Variants in NLRP8 observed in about 807,000 individuals in gnomAD.
NLRP8 encodes NACHT, LRR and PYD domains-containing protein 8.
In NLRP8, 86 loss-of-function variants were observed where a neutral mutation model predicts 88.7. The ratio of observed to expected loss-of-function variants is 0.97; its 90% confidence interval spans 0.81 to 1.16. The LOEUF (loss-of-function observed/expected upper bound fraction) is 1.16, where lower values mean the gene tolerates loss of function less well. Among genes scored for constraint, NLRP8 ranks in the 50% most tolerant of loss-of-function variants. The pLI, the probability that NLRP8 is intolerant of heterozygous loss-of-function variation, is 0.00. For synonymous variants in NLRP8, 504 were observed against 494.6 expected (o/e 1.02, Z -0.25); for missense variants, 1,342 against 1,286.5 (o/e 1.04, Z -0.66).
chr19:55,953,083 C>G (rs1201397333), intron 2 of NLRP8, among the ~76,000 whole-genome samples: 1 of 152,152 alleles, frequency 6.6e-6, no homozygotes, highest in Non-Finnish European at 1.5e-5. Context: ...GTATTTACAG[C>G]TGCTCCCTAT....
intron 9 of NLRP8, among the ~76,000 whole-genome samples, chr19:55,981,625 C>T (rs530079080): frequency 1.3e-5 from 2 of 152,214 alleles, no homozygotes; most frequent in South Asian, 2.1e-4. Flanking sequence ...CTGTTCTTAA[C>T]GTGTCTGGGG....
intron 9 of NLRP8, among the ~76,000 whole-genome samples, 43 bp downstream of exon 10, chr19:55,981,201 G>C (rs189063832): frequency 1.3e-5 from 2 of 150,496 alleles, no homozygotes; most frequent in East Asian, 3.9e-4. Context: ...TGGACCCTCT[G>C]GTGACTGATC....
At chr19:55,958,891 T>C (rs1415976851) in intron 3 of NLRP8, among the ~76,000 whole-genome samples, 3 of 151,626 alleles carry the variant, frequency 2.0e-5, no homozygotes, top group African/African-American at 7.3e-5. Context: ...TTTGCTTGTT[T>C]GTTTTGAGAC....
rs1568460905 is a variant in NLRP8 at position 55,957,676 on chromosome 19, TATATATATATATA to T, written c.2042+1577_2042+1589del. Among the ~76,000 whole-genome samples the T allele has an allele frequency of 3.8e-3, 8 of 2,100 alleles. 1 individual carries two copies. Among genetic ancestry groups the T allele is most frequent in the Non-Finnish European group, 9.5e-3 (5 of 526 alleles). 1.4% of individuals were successfully genotyped at this position (2,100 alleles called of 152,430 possible). ...CTTAAAAAAGAAAAAATAATAATTA[TATATATATATATA>T]TATATATATATATATATATATATAT... is the stretch of plus-strand genomic sequence containing the variant. On this transcript the variant is annotated intron_variant, in intron 3 of 9. Transcript: ENST00000291971.
intron 1 of NLRP8, among the ~76,000 whole-genome samples, chr19:55,949,374 A>T (rs1978992121): frequency 6.6e-6 from 1 of 152,010 alleles, no homozygotes; most frequent in Non-Finnish European, 1.5e-5. Flanking sequence ...AGTAGCTGGG[A>T]TTACAGGTGC....
chr19:55,973,965 C>A, intron 7 of NLRP8, 143 bp downstream of exon 7: 2 of 709,758 alleles, frequency 2.8e-6, no homozygotes, highest in Non-Finnish European at 2.1e-6. Context: ...AGGGGAAAAG[C>A]ACAATAAAGA....
chr19:55,970,302 A>G (rs1980016762), intron 5 of NLRP8, among the ~76,000 whole-genome samples: 1 of 152,150 alleles, frequency 6.6e-6, no homozygotes, highest in African/African-American at 2.4e-5. Context: ...CTGAATGGAA[A>G]TAGTTAGAGC....
At chr19:55,970,152 G>T (rs1021092794) in intron 5 of NLRP8, among the ~76,000 whole-genome samples, 4 of 152,160 alleles carry the variant, frequency 2.6e-5, no homozygotes, top group African/African-American at 7.2e-5. Flanking sequence ...GATTAAATTG[G>T]TGAGATGATG....
rs372230524 is a variant in NLRP8, at chr19:55,962,139, G to A, written c.2115G>A (p.Leu705=). The A allele has an allele frequency of 6.2e-7, 1 of 1,614,184 alleles. No individual in the cohort carries two copies. The highest frequency in any genetic ancestry group is 1.1e-5 in the South Asian group (1 of 91,082). Residue 705 remains leucine (L), a synonymous_variant, in exon 4 of 10, where the codon CTG becomes CTA. Transcript: ENST00000291971. ...CTGTGTTTGCAACGAATGATAAGCT[G>A]GAAGTCCTGACTATGACCAACAGTG... is the stretch of plus-strand genomic sequence containing the variant.
intron 3 of NLRP8, among the ~76,000 whole-genome samples, chr19:55,959,629 A>T (rs1979526853): frequency 6.6e-6 from 1 of 152,166 alleles, no homozygotes; most frequent in Non-Finnish European, 1.5e-5. Flanking sequence ...AACCAAACTG[A>T]GGGTCAGGCT....
chr19:55,953,647 A>G (rs960043274), intron 2 of NLRP8, among the ~76,000 whole-genome samples: 1 of 151,838 alleles, frequency 6.6e-6, no homozygotes, highest in Non-Finnish European at 1.5e-5. Context: ...TTACAGGCAC[A>G]TGCCACCACG....
intron 9 of NLRP8, among the ~76,000 whole-genome samples, chr19:55,982,404 T>A (rs1405608956): frequency 6.6e-6 from 1 of 152,110 alleles, no homozygotes; most frequent in Non-Finnish European, 1.5e-5. Flanking sequence ...CATCAACAGA[T>A]GAATGGATAA....
intron 1 of NLRP8, among the ~76,000 whole-genome samples, chr19:55,949,499 A>T (rs1978997736): frequency 6.6e-6 from 1 of 152,180 alleles, no homozygotes; most frequent in Admixed American, 6.5e-5. Flanking sequence ...CGGCCTCCCA[A>T]AGTGCTGGAA....
In NLRP8 at chr19:55,955,676, C is replaced by T. The variant is rs766093733; in HGVS notation, c.1618C>T (p.Arg540Cys). The T allele has an allele frequency of 1.8e-5, 29 of 1,614,056 alleles. No individual in the cohort carries two copies. The highest frequency in any genetic ancestry group is 2.2e-5 in the East Asian group (1 of 44,898). ...TGTGTTGAGCCACGTGAATATCCAG[C>T]GCCTGATAGCGAGTCCCAGAGGAAG... Residue 540 changes from arginine (R) to cysteine (C), a missense_variant, in exon 3 of 10, where the codon CGC (arginine) becomes TGC (cysteine). Arg to Cys is a radical substitution (Grantham distance 180). Transcript: ENST00000291971.
rs746842757 is a variant in NLRP8, at chr19:55,954,837, T to C, written c.779T>C (p.Ile260Thr). 8.7e-6 allele frequency: 14 copies of C among 1,614,072 alleles called. No individual in the cohort carries two copies. The highest frequency in any genetic ancestry group is 4.5e-5 in the East Asian group (2 of 44,898). The change falls in exon 3 of 10, where the codon ATT (isoleucine) becomes ACT (threonine). Residue 260 changes from isoleucine to threonine, a missense_variant. By Grantham distance (89) the Ile-to-Thr change is moderately conservative. Transcript: ENST00000291971. ...ACAGACCAGAGCTTCTCCGAGCTGATTGAGCAAAAGTGGCCTGGATCTCAG... is the reference window on the plus strand; with the variant it reads ...ACAGACCAGAGCTTCTCCGAGCTGACTGAGCAAAAGTGGCCTGGATCTCAG...
Position 55,983,600 on chromosome 19 carries a change from A to G in NLRP8, c.3047+4036A>G, listed in dbSNP as rs113073420. On this transcript the variant is annotated intron_variant, in intron 9 of 9. Coordinates refer to ENST00000291971, the MANE Select transcript of NLRP8 (RefSeq NM_176811.2). ...CTTTAAGGTTCTCCCCAGAAACTAC[A>G]TGTGAATTACAAAGTAAGAGTAGTG... 4.0e-3 allele frequency among the ~76,000 whole-genome samples: 604 copies of G among 152,152 alleles called. 6 individuals carry two copies. The highest frequency in any genetic ancestry group is 0.014 in the African/African-American group (577 of 41,508).
At chr19:55,973,150 G>C (rs1233535237) in intron 6 of NLRP8, among the ~76,000 whole-genome samples, 1 of 152,124 alleles carries the variant, frequency 6.6e-6, no homozygotes, top group Non-Finnish European at 1.5e-5. Context: ...ATTCTTGCAG[G>C]AGTGAGGTGG....
intron 3 of NLRP8, among the ~76,000 whole-genome samples, chr19:55,961,069 A>AT (rs1170204591): frequency 2.6e-5 from 4 of 151,608 alleles, no homozygotes; most frequent in East Asian, 1.9e-4. Flanking sequence ...CACCTGTATA[A>AT]TTTTTTTGTA....
chr19:55,980,370 T>C (rs1319812958), intron 9 of NLRP8, among the ~76,000 whole-genome samples: 1 of 152,202 alleles, frequency 6.6e-6, no homozygotes, highest in African/African-American at 2.4e-5. Flanking sequence ...GTATGAGTTG[T>C]CTATTGCTAT....
Sources: gnomAD v4.1 joint callset for allele counts (sites outside exome capture counted in the v4.1 genomes callset) on GRCh38, gnomAD v4.1.1 for gene constraint, MANE v1.5 for transcripts, NCBI Gene and HGNC (gene_info 2026-07-23, HGNC 2026-07-21) for gene names.